FILIP1: variants seen among roughly 807,000 people sequenced by gnomAD.
The protein encoded by FILIP1 is filamin A interacting protein 1, also known as filamin-A-interacting protein 1.
Under a neutral mutation model 102.1 loss-of-function variants are expected in FILIP1, and 61 were observed. The observed-to-expected ratio is 0.60, with a 90% CI of 0.49 to 0.74. The LOEUF (loss-of-function observed/expected upper bound fraction) is 0.74, where lower values mean the gene tolerates loss of function less well. Among genes scored for constraint, FILIP1 ranks in the 30% least tolerant of loss-of-function variants. The pLI is 0.00. For synonymous variants in FILIP1, 491 were observed against 526.9 expected, an observed-to-expected ratio of 0.93 and a Z score of 0.93; for missense variants, 1,314 against 1,441.2, an observed-to-expected ratio of 0.91 and a Z score of 1.43.
chr6:75,292,096 A>G (rs1772560807), exon 7 of FILIP1: 2 of 152,350 alleles, frequency 1.3e-5, no homozygotes, highest in African/African-American at 4.8e-5. Context: ...ATTCACTTGG[A>G]TTCAATGAAA....
At chr6:75,422,183 T>C (rs990162074) in intron 1 of FILIP1, among the ~76,000 whole-genome samples, 1 of 152,066 alleles carries the variant, frequency 6.6e-6, no homozygotes, top group Non-Finnish European at 1.5e-5. Context: ...CTCAAGTACA[T>C]GTTAAAATAT....
intron 4 of FILIP1, among the ~76,000 whole-genome samples, chr6:75,340,896 G>A (rs1381884498): frequency 9.5e-6 from 1 of 105,134 alleles, no homozygotes; most frequent in Admixed American, 1.2e-4. Flanking sequence ...TAAAGACGGT[G>A]TTTTGCCATA....
intron 4 of FILIP1, among the ~76,000 whole-genome samples, chr6:75,350,473 T>C (rs1774759871): frequency 6.6e-6 from 1 of 151,972 alleles, no homozygotes; most frequent in Non-Finnish European, 1.5e-5. Flanking sequence ...GTTGTAATTG[T>C]TTTAATAAAA....
At chr6:75,441,146 T>C (rs966665281) in intron 1 of FILIP1, among the ~76,000 whole-genome samples, 12 of 151,822 alleles carry the variant, frequency 7.9e-5, no homozygotes, top group African/African-American at 2.7e-4. Flanking sequence ...GCGGTGTTTG[T>C]GTCCCTGGGT....
At chr6:75,409,572 G>A (rs1027495894) in intron 2 of FILIP1, among the ~76,000 whole-genome samples, 2 of 151,944 alleles carry the variant, frequency 1.3e-5, no homozygotes, top group African/African-American at 4.8e-5. Flanking sequence ...CTTGCTCAGG[G>A]ACCTATAACT....
At chr6:75,435,861 A>G (rs564486055) in intron 1 of FILIP1, among the ~76,000 whole-genome samples, 165 of 152,234 alleles carry the variant, frequency 1.1e-3, no homozygotes, top group Non-Finnish European at 2.0e-3. Flanking sequence ...CTAAAGGCAC[A>G]CTCATCTCTG....
At chr6:75,382,857 A>G in intron 2 of FILIP1, among the ~76,000 whole-genome samples, 1 of 152,222 alleles carries the variant, frequency 6.6e-6, no homozygotes, top group East Asian at 1.9e-4. Flanking sequence ...ACCAAAGCTA[A>G]CCATGTTAAA....
intron 1 of FILIP1, among the ~76,000 whole-genome samples, chr6:75,471,663 A>C (rs978241690): frequency 3.3e-5 from 5 of 152,190 alleles, no homozygotes. Flanking sequence ...TGAAAAATTC[A>C]GAACAACCTA....
chr6:75,322,040 G>C (rs974669108), intron 4 of FILIP1, among the ~76,000 whole-genome samples: 2 of 152,158 alleles, frequency 1.3e-5, no homozygotes, highest in African/African-American at 4.8e-5. Flanking sequence ...GCAGGAACAG[G>C]CTTGTGTCTC....
At chr6:75,371,499 A>G (rs955435629) in intron 2 of FILIP1, among the ~76,000 whole-genome samples, 3 of 152,234 alleles carry the variant, frequency 2.0e-5, no homozygotes, top group Non-Finnish European at 4.4e-5. Flanking sequence ...TGGAATCTCA[A>G]GGGACCATGA....
chr6:75,317,629 G>A (rs370850611), intron 4 of FILIP1, among the ~76,000 whole-genome samples: 19 of 152,276 alleles, frequency 1.2e-4, no homozygotes, highest in African/African-American at 4.1e-4. Context: ...GAGCTAGAGC[G>A]TGATCTCAGC....
At position 75,313,669 on chromosome 6, in the gene FILIP1, T is replaced by C; in HGVS notation, c.2163A>G (p.Lys721=). ...TCTCTTTAAGAGCTTGTACTTCGGC[T>C]TTTAAGTCTCGACTTTTAGCTTCTT... The part of the protein sequence containing the change: ...RLEEAKSRDL[K]AEVQALKEKI... The change falls in exon 5 of 6, where the codon AAA becomes AAG. Residue 721 remains lysine, a synonymous_variant. Coordinates refer to ENST00000237172, the MANE Select transcript of FILIP1 (RefSeq NM_015687.5). The surrounding 1 kb of genome is among the most constrained non-coding windows in gnomAD (Gnocchi z 4.2). 1.3e-6 allele frequency: 2 copies of C among 1,569,918 alleles called. No homozygotes were observed. Among genetic ancestry groups the C allele is most frequent in the Non-Finnish European group, 1.7e-6 (2 of 1,163,616 alleles).
At chr6:75,414,585 T>C in intron 2 of FILIP1, 112 bp downstream of exon 2, 1 of 1,004,884 alleles carries the variant, frequency 1.0e-6, no homozygotes, top group Non-Finnish European at 1.5e-6. Context: ...AAGGGAAACA[T>C]TCTCCTTTCC....
chr6:75,485,195 C>T (rs572545716), intron 1 of FILIP1, among the ~76,000 whole-genome samples: 1 of 152,246 alleles, frequency 6.6e-6, no homozygotes, highest in African/African-American at 2.4e-5. Flanking sequence ...AAACAGACAG[C>T]CTTCGTGAAA....
intron 4 of FILIP1, among the ~76,000 whole-genome samples, chr6:75,321,729 G>A (rs1301032137): frequency 6.6e-6 from 1 of 152,036 alleles, no homozygotes. Context: ...GGGAAGCGGA[G>A]CTTGCAGTGA....
intron 2 of FILIP1, among the ~76,000 whole-genome samples, chr6:75,368,638 T>C (rs763447834): frequency 2.6e-4 from 40 of 152,118 alleles, no homozygotes; most frequent in Non-Finnish European, 5.1e-4. Flanking sequence ...AGGACCTGAA[T>C]TCTCATAATG....
intron 1 of FILIP1, among the ~76,000 whole-genome samples, chr6:75,441,570 C>A (rs550767467): frequency 1.3e-5 from 2 of 151,842 alleles, no homozygotes. Flanking sequence ...GGCAGAGGCG[C>A]CCCTCTCCTC....
Position 75,458,201 on chromosome 6 carries a change from G to T in FILIP1, c.-7+35213C>A, listed in dbSNP as rs549971224. On this transcript the variant is annotated intron_variant, in intron 1 of 5. Coordinates refer to ENST00000237172, the MANE Select transcript of FILIP1 (RefSeq NM_015687.5). ...GTCTGGCAATAGCTAGAGACATTTG[G>T]GGATGTCAAAACTAGGAAGGACGCT... 8 of 152,204 alleles carry T rather than the reference G, an allele frequency of 5.3e-5. No individual in the cohort carries two copies. In the South Asian group the frequency reaches 1.7e-3, roughly 32 times the overall value. 9.4% of individuals were successfully genotyped at this position (152,204 alleles called of 1,614,324 possible).
intron 4 of FILIP1, chr6:75,334,534 T>C (rs1218160342): frequency 6.6e-6 from 1 of 152,214 alleles, no homozygotes; most frequent in Non-Finnish European, 1.5e-5. Flanking sequence ...CTCTTTGCAG[T>C]AACACTTAGA....
Sources: gnomAD v4.1 joint callset for allele counts (sites outside exome capture counted in the v4.1 genomes callset) on GRCh38, gnomAD v4.1.1 for gene constraint, Gnocchi (gnomAD v3.1) non-coding constraint, MANE v1.5 for transcripts, NCBI Gene and HGNC (gene_info 2026-07-23, HGNC 2026-07-21) for gene names.